The following ODR4 variants were observed in gnomAD, a reference collection of about 807,000 sequenced individuals.
ODR4 encodes odr-4 GPCR localization factor homolog.
In ODR4, 47 loss-of-function variants were observed where a neutral mutation model predicts 60.2. The ratio of observed to expected loss-of-function variants is 0.78; its 90% CI spans 0.62 to 1.00. ODR4 has a LOEUF of 1.00. Ranked by LOEUF, ODR4 falls within the 50% of genes least tolerant of loss-of-function variation. The pLI, the probability that ODR4 is intolerant of heterozygous loss-of-function variation, is 0.00. For synonymous variants in ODR4, 178 were observed against 175.5 expected, an observed-to-expected ratio of 1.01 and a Z score of -0.11; for missense variants, 488 against 530.8, an observed-to-expected ratio of 0.92 and a Z score of 0.79.
At chr1:186,390,645 T>C in intron 6 of ODR4, 66 bp from the exon 7 acceptor site, 1 of 1,493,598 alleles carries the variant, frequency 6.7e-7, no homozygotes, top group South Asian at 1.1e-5. Context: ...TTTAATAATG[T>C]TTTGTTGATC....
the ODR4 span, among the ~76,000 whole-genome samples, chr1:186,427,808 A>C: frequency 6.6e-6 from 1 of 152,262 alleles, no homozygotes; most frequent in Non-Finnish European, 1.5e-5. Context: ...TGGTCTGAAG[A>C]ATAGATGTTG....
In ODR4 at chr1:186,421,233, C is replaced by G. The variant is rs1661762622; in HGVS notation, c.*2157C>G. On this transcript the variant is annotated 3_prime_UTR_variant, in exon 14 of 14. Transcript: ENST00000287859. Reference sequence around the variant, plus strand: ...AGGGAAATGATTCTAAAAGGATTATCTGAAATTGAAAAACTAGTAAGCAAA... The same window carrying G: ...AGGGAAATGATTCTAAAAGGATTATGTGAAATTGAAAAACTAGTAAGCAAA... 1 of 152,092 alleles carries G rather than the reference C, an allele frequency of 6.6e-6. No homozygotes were observed. The highest frequency in any genetic ancestry group is 2.1e-4 in the South Asian group (1 of 4,824). 9.4% of individuals were successfully genotyped at this position (152,092 alleles called of 1,614,324 possible). A position where few individuals can be genotyped will look rare whatever the true frequency, so the allele number is the denominator to read the frequency against.
At chr1:186,394,815 A>T (rs1660608387) in intron 9 of ODR4, among the ~76,000 whole-genome samples, 1 of 152,170 alleles carries the variant, frequency 6.6e-6, no homozygotes, top group African/African-American at 2.4e-5. Flanking sequence ...GGCCTATGCC[A>T]CTCAATGTGA....
chr1:186,380,065 G>A (rs572445323), intron 2 of ODR4, among the ~76,000 whole-genome samples, 181 bp downstream of exon 2: 1 of 152,278 alleles, frequency 6.6e-6, no homozygotes, highest in East Asian at 1.9e-4. Context: ...TGGAGAAGTA[G>A]ACAAACCTAG....
intron 9 of ODR4, among the ~76,000 whole-genome samples, chr1:186,394,351 T>C (rs1351122410): frequency 6.6e-6 from 1 of 152,186 alleles, no homozygotes; most frequent in Non-Finnish European, 1.5e-5. Context: ...TTAAAAGATG[T>C]GTACACAGAG....
At chr1:186,432,332 T>G in the ODR4 span, among the ~76,000 whole-genome samples, 30 of 152,230 alleles carry the variant, frequency 2.0e-4, 1 homozygote, top group Admixed American at 1.8e-3. Flanking sequence ...AATATTAGCC[T>G]GTAATTTTCC....
At chr1:186,413,111 G>A (rs1439179915) in intron 12 of ODR4, among the ~76,000 whole-genome samples, 1 of 151,802 alleles carries the variant, frequency 6.6e-6, no homozygotes, top group Non-Finnish European at 1.5e-5. Flanking sequence ...TTTAACATTA[G>A]AGGTTGAATA....
At chr1:186,377,861 C>T (rs1473902074) in intron 1 of ODR4, among the ~76,000 whole-genome samples, 10 of 152,100 alleles carry the variant, frequency 6.6e-5, no homozygotes, top group Non-Finnish European at 1.2e-4. Context: ...CTGGCTAACA[C>T]GGTGAAACCC....
At chr1:186,388,912 A>C (rs570098350) in intron 5 of ODR4, among the ~76,000 whole-genome samples, 1 of 152,296 alleles carries the variant, frequency 6.6e-6, no homozygotes, top group South Asian at 2.1e-4. Context: ...TCCAGTTTCT[A>C]TAGATAAGGA....
At chr1:186,429,165 C>T in the ODR4 span, among the ~76,000 whole-genome samples, 3 of 151,940 alleles carry the variant, frequency 2.0e-5, no homozygotes, top group Admixed American at 6.6e-5. Flanking sequence ...GTGGGAAGAC[C>T]ACCTAAGCCT....
intron 1 of ODR4, among the ~76,000 whole-genome samples, 191 bp downstream of exon 1, chr1:186,376,165 C>T (rs899229429): frequency 6.6e-6 from 1 of 152,100 alleles, no homozygotes; most frequent in South Asian, 2.1e-4. Context: ...CTGAGTGATT[C>T]AGTACCCGGG....
chr1:186,398,281 T>C, intron 9 of ODR4, 32 bp from the exon 10 acceptor site: 3 of 1,534,488 alleles, frequency 2.0e-6, no homozygotes, highest in Non-Finnish European at 2.6e-6. Flanking sequence ...TCATTGTTGG[T>C]TATTAGAACT....
intron 12 of ODR4, among the ~76,000 whole-genome samples, chr1:186,414,624 A>G (rs1416504661): frequency 1.3e-5 from 2 of 150,364 alleles, no homozygotes; most frequent in Non-Finnish European, 2.9e-5. Flanking sequence ...GGTTCACGCC[A>G]TTCTCCTGCG....
the ODR4 span, among the ~76,000 whole-genome samples, chr1:186,434,978 G>C: frequency 6.6e-6 from 1 of 152,052 alleles, no homozygotes. Flanking sequence ...GGGAGTGAAC[G>C]CTCTAAGAAA....
At chr1:186,408,935 G>A (rs973455121) in intron 12 of ODR4, among the ~76,000 whole-genome samples, 6 of 151,832 alleles carry the variant, frequency 4.0e-5, no homozygotes, top group Non-Finnish European at 8.8e-5. Context: ...ATTTCATGTT[G>A]TATGTTAAAC....
chr1:186,415,102 G>A (rs1345515631), intron 12 of ODR4, among the ~76,000 whole-genome samples: 1 of 149,700 alleles, frequency 6.7e-6, no homozygotes, highest in Non-Finnish European at 1.5e-5. Context: ...AAAAAAAAGG[G>A]GGGAGGGTTT....
intron 12 of ODR4, among the ~76,000 whole-genome samples, chr1:186,406,911 A>G (rs941401228): frequency 1.3e-5 from 2 of 152,110 alleles, no homozygotes; most frequent in Non-Finnish European, 2.9e-5. Context: ...GTATGAAAAC[A>G]TGTCTATAAA....
At chr1:186,430,244 A>G in the ODR4 span, among the ~76,000 whole-genome samples, 3 of 152,110 alleles carry the variant, frequency 2.0e-5, no homozygotes, top group Non-Finnish European at 4.4e-5. Context: ...TTGTAAAAAT[A>G]TAGGTATTTT....
chr1:186,424,161 C>T (rs1164146798), downstream of ODR4, among the ~76,000 whole-genome samples: 1 of 152,086 alleles, frequency 6.6e-6, no homozygotes, highest in African/African-American at 2.4e-5. Context: ...CTCAAATGTC[C>T]GTTGACAACA....
Sources: gnomAD v4.1 joint callset for allele counts (sites outside exome capture counted in the v4.1 genomes callset) on GRCh38, gnomAD v4.1.1 for gene constraint, MANE v1.5 for transcripts, NCBI Gene and HGNC (gene_info 2026-07-23, HGNC 2026-07-21) for gene names.